GOLPH3: variants seen among roughly 807,000 people sequenced by gnomAD.
GOLPH3 encodes golgi phosphoprotein 3.
GOLPH3 carries 14 observed loss-of-function variants against 28.5 expected under a neutral mutation model. The ratio of observed to expected loss-of-function variants is 0.49; its 90% CI spans 0.32 to 0.77. The LOEUF is 0.77. GOLPH3 is among the 30% of genes least tolerant of loss of function. GOLPH3 has a pLI of 0.03. For synonymous variants in GOLPH3, 158 were observed against 159.2 expected (o/e 0.99, Z 0.06); for missense variants, 350 against 393.7 (o/e 0.89, Z 0.94).
chr5:32,173,276 T>C (rs1291300681), intron 1 of GOLPH3, among the ~76,000 whole-genome samples: 1 of 151,898 alleles, frequency 6.6e-6, no homozygotes, highest in Non-Finnish European at 1.5e-5. Context: ...GTAAAAGAGC[T>C]TTTCCCTCTA....
Position 32,125,672 on chromosome 5 carries a change from A to C in GOLPH3, c.*540T>G, listed in dbSNP as rs546852318. ...ACAATAGATTTACATGGGAAGCAAAATCCAAGGGACATTTTATATTAAGTA... is the reference window on the plus strand; with the variant it reads ...ACAATAGATTTACATGGGAAGCAAACTCCAAGGGACATTTTATATTAAGTA... On this transcript the variant is annotated 3_prime_UTR_variant, in exon 4 of 4. Coordinates refer to ENST00000265070, the MANE Select transcript of GOLPH3 (RefSeq NM_022130.4). 1.3e-5 allele frequency: 2 copies of C among 152,964 alleles called. No homozygotes were observed. The highest frequency in any genetic ancestry group is 3.9e-4 in the East Asian group (2 of 5,194). 9.5% of individuals were successfully genotyped at this position (152,964 alleles called of 1,614,324 possible).
Position 32,126,156 on chromosome 5 carries a change from G to T in GOLPH3, c.*56C>A. On this transcript the variant is annotated 3_prime_UTR_variant, in exon 4 of 4. Coordinates refer to ENST00000265070, the MANE Select transcript of GOLPH3 (RefSeq NM_022130.4). ...AATTACAGAAAACCAGAAGTCAACA[G>T]AAGAAAAACTACTGGTTTACTTGAG... 6.7e-7 allele frequency: 1 copy of T among 1,501,546 alleles called. No individual in the cohort carries two copies. Among genetic ancestry groups the T allele is most frequent in the South Asian group, 1.3e-5 (1 of 77,270 alleles). The allele number at this position is 1,501,546 out of a possible 1,614,324, so 93.0% of individuals were successfully genotyped here. A position where few individuals can be genotyped will look rare whatever the true frequency, so the allele number is the denominator to read the frequency against.
intron 2 of GOLPH3, among the ~76,000 whole-genome samples, chr5:32,141,399 T>G (rs1428295293): frequency 6.6e-6 from 1 of 152,190 alleles, no homozygotes; most frequent in Non-Finnish European, 1.5e-5. Flanking sequence ...TTCTAAAAAC[T>G]AGCCAATATT....
At chr5:32,137,940 G>A (rs1396903885) in intron 2 of GOLPH3, among the ~76,000 whole-genome samples, 1 of 133,746 alleles carries the variant, frequency 7.5e-6, no homozygotes, top group Admixed American at 8.3e-5. Flanking sequence ...GTCTCACTCT[G>A]TTGCCCAGCC....
chr5:32,163,643 C>T (rs185429160), intron 1 of GOLPH3, among the ~76,000 whole-genome samples: 121 of 151,238 alleles, frequency 8.0e-4, no homozygotes, highest in African/African-American at 2.9e-3. Context: ...CAGAGCATGA[C>T]TTGGTCTCAA....
chr5:32,148,796 C>CA (rs1387866147), intron 1 of GOLPH3, among the ~76,000 whole-genome samples: 3 of 151,268 alleles, frequency 2.0e-5, no homozygotes, highest in African/African-American at 2.4e-5. Flanking sequence ...GACTCTGTCT[C>CA]AAAAAAAATA....
chr5:32,129,698 A>C (rs1581536021), intron 3 of GOLPH3, among the ~76,000 whole-genome samples: 1 of 152,308 alleles, frequency 6.6e-6, no homozygotes, highest in East Asian at 1.9e-4. Context: ...TTCAAGCTAA[A>C]TCTCGAAATC....
At chr5:32,159,683 G>A (rs1204313332) in intron 1 of GOLPH3, among the ~76,000 whole-genome samples, 8 of 152,154 alleles carry the variant, frequency 5.3e-5, no homozygotes, top group Non-Finnish European at 4.4e-5. Context: ...TAAGAAACAC[G>A]AAGGTTTTAA....
chr5:32,125,993 C>T lies in GOLPH3; in HGVS notation c.*219G>A. On this transcript the variant is annotated 3_prime_UTR_variant, in exon 4 of 4. Coordinates refer to ENST00000265070, the MANE Select transcript of GOLPH3 (RefSeq NM_022130.4). ...AGGATGGCAACAGGGAATGGAATGC[C>T]AATATGGCAGTAAAACTTTTTTTAA... 4.0e-6 allele frequency: 2 copies of T among 494,782 alleles called. No homozygotes were observed. The highest frequency in any genetic ancestry group is 3.5e-6 in the Non-Finnish European group (1 of 283,254). The allele number at this position is 494,782 out of a possible 1,614,324, so 30.6% of individuals were successfully genotyped here. A position where few individuals can be genotyped will look rare whatever the true frequency, so the allele number is the denominator to read the frequency against.
At position 32,126,118 on chromosome 5, in the gene GOLPH3, G is replaced by A. The variant is rs1025423034; in HGVS notation, c.*94C>T. On this transcript the variant is annotated 3_prime_UTR_variant, in exon 4 of 4. Transcript: ENST00000265070. Reference sequence around the variant, plus strand: ...TTGTAAAACAGAAGCCAATTATAGTGTGGGAAAGTACAAATTACAGAAAAC... The same window carrying A: ...TTGTAAAACAGAAGCCAATTATAGTATGGGAAAGTACAAATTACAGAAAAC... 1 of 1,294,212 alleles carries A rather than the reference G, an allele frequency of 7.7e-7. No homozygotes were observed. The highest frequency in any genetic ancestry group is 1.5e-5 in the African/African-American group (1 of 67,150). 80.2% of individuals were successfully genotyped at this position (1,294,212 alleles called of 1,614,324 possible). A position where few individuals can be genotyped will look rare whatever the true frequency, so the allele number is the denominator to read the frequency against.
chr5:32,158,132 TACACACAC>T (rs70961610), intron 1 of GOLPH3, among the ~76,000 whole-genome samples: 2,231 of 33,610 alleles, frequency 0.066, 110 homozygotes, highest in East Asian at 0.18. Flanking sequence ...ATAAATAAAA[TACACACAC>T]ACACACACAC....
At chr5:32,157,080 C>A (rs1294540565) in intron 1 of GOLPH3, among the ~76,000 whole-genome samples, 1 of 152,154 alleles carries the variant, frequency 6.6e-6, no homozygotes, top group African/African-American at 2.4e-5. Flanking sequence ...TATTTTTTCA[C>A]AGAAGTAACA....
intron 1 of GOLPH3, among the ~76,000 whole-genome samples, chr5:32,157,055 T>C (rs955155704): frequency 6.6e-6 from 1 of 152,182 alleles, no homozygotes; most frequent in Non-Finnish European, 1.5e-5. Flanking sequence ...TTTAAGCAAT[T>C]TGTAACACAG....
intron 1 of GOLPH3, among the ~76,000 whole-genome samples, chr5:32,165,760 T>G (rs1000350404): frequency 5.9e-5 from 9 of 152,204 alleles, no homozygotes; most frequent in African/African-American, 1.9e-4. Flanking sequence ...ATTTGATGAA[T>G]GGATGAAAAC....
intron 1 of GOLPH3, among the ~76,000 whole-genome samples, chr5:32,168,110 C>A (rs1025540772): frequency 6.6e-6 from 1 of 152,006 alleles, no homozygotes; most frequent in African/African-American, 2.4e-5. Context: ...TTAGAAACAA[C>A]GAAAATTCAT....
intron 1 of GOLPH3, among the ~76,000 whole-genome samples, chr5:32,162,212 G>A (rs1746598165): frequency 1.3e-5 from 2 of 150,944 alleles, no homozygotes; most frequent in South Asian, 4.2e-4. Flanking sequence ...AATTTTTAAG[G>A]CCAGGCGTGG....
chr5:32,135,742 C>T (rs1032053067), intron 2 of GOLPH3, 56 bp from the exon 3 acceptor site: 1 of 990,886 alleles, frequency 1.0e-6, no homozygotes. Flanking sequence ...CTGAGTTGAT[C>T]TCATTAAATG....
chr5:32,142,937 C>T (rs535693819), intron 2 of GOLPH3, among the ~76,000 whole-genome samples: 22 of 152,168 alleles, frequency 1.4e-4, no homozygotes, highest in African/African-American at 4.3e-4. Flanking sequence ...GCCACCACCC[C>T]GTCTGGGAGG....
At chr5:32,138,650 T>A (rs1745991443) in intron 2 of GOLPH3, among the ~76,000 whole-genome samples, 1 of 152,214 alleles carries the variant, frequency 6.6e-6, no homozygotes, top group South Asian at 2.1e-4. Context: ...ATTTTTAAAT[T>A]GAGGTACTTA....
Sources: gnomAD v4.1 joint callset for allele counts (sites outside exome capture counted in the v4.1 genomes callset) on GRCh38, gnomAD v4.1.1 for gene constraint, MANE v1.5 for transcripts, NCBI Gene and HGNC (gene_info 2026-07-23, HGNC 2026-07-21) for gene names.